CENPP: variants seen among roughly 807,000 people sequenced by gnomAD.
CENPP encodes the protein centromere protein P.
Under a neutral mutation model 35.6 loss-of-function variants are expected in CENPP, and 24 were observed. The observed-to-expected ratio is 0.67, with a 90% CI of 0.49 to 0.95. The LOEUF is 0.95. Ranked by LOEUF, CENPP falls within the 40% of genes least tolerant of loss-of-function variation. CENPP has a pLI of 0.00. For synonymous variants in CENPP, 120 were observed against 125.5 expected (o/e 0.96, Z 0.29); for missense variants, 332 against 345.3 (o/e 0.96, Z 0.31).
intron 5 of CENPP, among the ~76,000 whole-genome samples, chr9:92,423,772 A>G (rs1843883929): frequency 6.6e-6 from 1 of 152,166 alleles, no homozygotes; most frequent in Non-Finnish European, 1.5e-5. Context: ...GAAAATCTTG[A>G]GTGAAATTTG....
chr9:92,466,520 G>C (rs1336912371), intron 5 of CENPP: 1 of 1,614,082 alleles, frequency 6.2e-7, no homozygotes, highest in Non-Finnish European at 8.5e-7. Context: ...TTTGTGGTTA[G>C]AAAGGCTTTT....
At chr9:92,594,110 A>AT (rs201629153) in intron 5 of CENPP, among the ~76,000 whole-genome samples, 1,729 of 152,334 alleles carry the variant, frequency 0.011, 26 homozygotes, top group African/African-American at 0.038. Context: ...GGTGTGGGAT[A>AT]TGTAAGGACT....
At chr9:92,447,608 ACC>A (rs1588135524) in intron 5 of CENPP, among the ~76,000 whole-genome samples, 1 of 152,056 alleles carries the variant, frequency 6.6e-6, no homozygotes, top group African/African-American at 2.4e-5. Flanking sequence ...AGGGTTATAG[ACC>A]CCTGGCATAG....
chr9:92,373,640 A>G (rs1259393186), intron 4 of CENPP, among the ~76,000 whole-genome samples: 1 of 152,134 alleles, frequency 6.6e-6, no homozygotes, highest in Non-Finnish European at 1.5e-5. Context: ...ATCCTGGCCA[A>G]CATGATGAAA....
At chr9:92,502,350 A>C (rs952640026) in intron 5 of CENPP, among the ~76,000 whole-genome samples, 1 of 152,184 alleles carries the variant, frequency 6.6e-6, no homozygotes, top group South Asian at 2.1e-4. Context: ...GAAGTAGCCC[A>C]CTTTGGGGAT....
intron 5 of CENPP, chr9:92,464,637 A>G: frequency 3.8e-6 from 2 of 532,138 alleles, no homozygotes; most frequent in Non-Finnish European, 7.2e-6. Context: ...GCACAGAATG[A>G]CAGGTATAAA....
intron 5 of CENPP, among the ~76,000 whole-genome samples, chr9:92,446,407 C>T (rs1844553017): frequency 6.6e-6 from 1 of 152,104 alleles, no homozygotes; most frequent in African/African-American, 2.4e-5. Flanking sequence ...TAATGAATGC[C>T]TCCATTAATA....
chr9:92,352,511 A>AGTGTGTGTG lies in CENPP; in HGVS notation c.467+6724_467+6725insGTGTGTGTG, dbSNP rs1564274075. On this transcript the variant is annotated intron_variant, in intron 4 of 7. Transcript: ENST00000375587. ...TGTGTGTGTGTGTGTGTGTGTATAC[A>AGTGTGTGTG]TATATATATATATATATATATATAT... is the stretch of plus-strand genomic sequence containing the variant. Among the ~76,000 whole-genome samples the AGTGTGTGTG allele has an allele frequency of 9.2e-4, 29 of 31,654 alleles. 1 individual carries two copies. The highest frequency in any genetic ancestry group is 6.9e-3 in the African/African-American group (28 of 4,054). The allele number at this position is 31,654 out of a possible 152,430, so 20.8% of individuals were successfully genotyped here.
chr9:92,396,663 C>T (rs1448174780), intron 5 of CENPP, among the ~76,000 whole-genome samples: 1 of 151,378 alleles, frequency 6.6e-6, no homozygotes, highest in Non-Finnish European at 1.5e-5. Flanking sequence ...CTCCTGGGCT[C>T]AAGCGATCCT....
At chr9:92,567,399 T>TATATATATATAG (rs1554688330) in intron 5 of CENPP, among the ~76,000 whole-genome samples, 1 of 136,198 alleles carries the variant, frequency 7.3e-6, no homozygotes, top group African/African-American at 2.7e-5. Context: ...TATATATAGA[T>TATATATATATAG]ATATATATAA....
chr9:92,604,649 C>A (rs1326370409), intron 5 of CENPP, among the ~76,000 whole-genome samples: 1 of 152,100 alleles, frequency 6.6e-6, no homozygotes, highest in Non-Finnish European at 1.5e-5. Context: ...GGCTGGAGTA[C>A]AAGAGCGTGA....
At chr9:92,394,336 C>T (rs1842803946) in intron 5 of CENPP, among the ~76,000 whole-genome samples, 1 of 151,804 alleles carries the variant, frequency 6.6e-6, no homozygotes, top group Admixed American at 6.6e-5. Context: ...TCCACCTCCC[C>T]ATTTCAAGCG....
chr9:92,397,047 C>T (rs1006614560), intron 5 of CENPP, among the ~76,000 whole-genome samples: 3 of 151,668 alleles, frequency 2.0e-5, no homozygotes, highest in East Asian at 2.0e-4. Flanking sequence ...TGTGGTGGCA[C>T]GTTCCTGTAG....
chr9:92,398,603 T>A (rs2130919831), intron 5 of CENPP, among the ~76,000 whole-genome samples: 1 of 152,340 alleles, frequency 6.6e-6, no homozygotes, highest in African/African-American at 2.4e-5. Flanking sequence ...TTAGAGATCT[T>A]CCTCATTCAT....
intron 1 of CENPP, among the ~76,000 whole-genome samples, chr9:92,330,025 G>T (rs1213995149): frequency 6.6e-6 from 1 of 152,172 alleles, no homozygotes; most frequent in African/African-American, 2.4e-5. Flanking sequence ...TGGATTCTCA[G>T]TGTGAAGAAT....
At chr9:92,518,963 G>T (rs1008174300) in intron 5 of CENPP, among the ~76,000 whole-genome samples, 15 of 152,160 alleles carry the variant, frequency 9.9e-5, no homozygotes, top group Non-Finnish European at 1.6e-4. Flanking sequence ...TTGTAGATAT[G>T]TGGATAAGTG....
intron 5 of CENPP, among the ~76,000 whole-genome samples, chr9:92,443,544 GT>G (rs545423389): frequency 3.0e-4 from 46 of 152,068 alleles, no homozygotes; most frequent in Non-Finnish European, 4.1e-4. Flanking sequence ...TCTCAGCTTG[GT>G]TTTTGTGTGA....
chr9:92,563,980 T>G (rs1403450454), intron 5 of CENPP, among the ~76,000 whole-genome samples: 1 of 152,186 alleles, frequency 6.6e-6, no homozygotes, highest in African/African-American at 2.4e-5. Context: ...CTTTGTGTAT[T>G]TATTTACTTA....
intron 5 of CENPP, chr9:92,482,189 G>A (rs1845934905): frequency 6.6e-6 from 1 of 152,020 alleles, no homozygotes; most frequent in African/African-American, 2.4e-5. Flanking sequence ...ATAAACTTTG[G>A]ACTTTATCCT....
Sources: allele counts gnomAD v4.1 joint callset (sites outside exome capture counted in the v4.1 genomes callset), GRCh38; gene constraint gnomAD v4.1.1; transcripts MANE v1.5; gene names NCBI Gene and HGNC (gene_info 2026-07-23, HGNC 2026-07-21).